Variants in SGF29 observed in about 807,000 individuals in gnomAD.
SGF29 encodes SAGA complex associated factor 29, also known as SAGA-associated factor 29.
SGF29 carries 15 observed loss-of-function variants against 38.1 expected under a neutral mutation model. The ratio of observed to expected loss-of-function variants is 0.39; its 90% CI spans 0.26 to 0.61. SGF29 has a LOEUF of 0.61. Among genes scored for constraint, SGF29 ranks in the 20% least tolerant of loss-of-function variants. The pLI, the probability that SGF29 is intolerant of heterozygous loss-of-function variation, is 0.49. For missense variants in SGF29, 184 were observed against 394.6 expected, an observed-to-expected ratio of 0.47 and a Z score of 4.52; for synonymous variants, 151 against 160.8, an observed-to-expected ratio of 0.94 and a Z score of 0.46.
intron 1 of SGF29, among the ~76,000 whole-genome samples, chr16:28,568,603 G>T (rs981351220): frequency 1.3e-5 from 2 of 150,898 alleles, no homozygotes; most frequent in Non-Finnish European, 3.0e-5. Flanking sequence ...GGTTGGGGGG[G>T]GCTCACATTC....
intron 3 of SGF29, chr16:28,585,424 G>A: frequency 1.7e-6 from 1 of 595,448 alleles, no homozygotes; most frequent in Non-Finnish European, 3.0e-6. Context: ...GAAAAGGTAA[G>A]ACAGTACTCT....
chr16:28,568,772 G>T (rs1450456237), intron 1 of SGF29, among the ~76,000 whole-genome samples: 2 of 152,144 alleles, frequency 1.3e-5, no homozygotes, highest in Non-Finnish European at 2.9e-5. Context: ...AATTAGCGGG[G>T]CATGGTGGTT....
At chr16:28,565,946 T>C (rs191253513) in intron 1 of SGF29, among the ~76,000 whole-genome samples, 5 of 151,890 alleles carry the variant, frequency 3.3e-5, no homozygotes, top group African/African-American at 1.2e-4. Context: ...ACAAAGAAGA[T>C]TTGAATGTGA....
At chr16:28,575,097 C>T (rs2151648261) in intron 1 of SGF29, among the ~76,000 whole-genome samples, 1 of 152,248 alleles carries the variant, frequency 6.6e-6, no homozygotes, top group East Asian at 1.9e-4. Context: ...TCCAGTGCAT[C>T]CCTTCTGAAC....
chr16:28,568,407 A>G (rs1186627530), intron 1 of SGF29, among the ~76,000 whole-genome samples: 1 of 152,078 alleles, frequency 6.6e-6, no homozygotes, highest in Non-Finnish European at 1.5e-5. Flanking sequence ...ACATTGTTGA[A>G]CTATAGGATA....
In SGF29 at chr16:28,564,708, CAT is replaced by C. The variant is rs369741491; in HGVS notation, c.-16+10618_-16+10619del. On this transcript the variant is annotated intron_variant, in intron 1 of 9. Transcript: ENST00000317058. ...ATGTGTATATATATGTATATATATACATATATATGTATATATATACATATATA... is the reference window on the plus strand; with the variant it reads ...ATGTGTATATATATGTATATATATACATATATGTATATATATACATATATA... Among the ~76,000 whole-genome samples, 125 of 50,244 alleles carry C rather than the reference CAT, an allele frequency of 2.5e-3. 4 individuals carry two copies. The East Asian group carries it at 0.032, about 13-fold the overall frequency. The allele number at this position is 50,244 out of a possible 152,430, so 33.0% of individuals were successfully genotyped here.
intron 1 of SGF29, among the ~76,000 whole-genome samples, chr16:28,564,728 C>CATATATATGTATATATGT: frequency 1.4e-5 from 1 of 70,226 alleles, no homozygotes; most frequent in African/African-American, 5.6e-5. Context: ...TATATATATA[C>CATATATATGTATATATGT]ATATATATGT....
intron 3 of SGF29, 69 bp downstream of exon 3, chr16:28,585,057 C>A: frequency 8.4e-7 from 1 of 1,188,122 alleles, no homozygotes; most frequent in Non-Finnish European, 1.2e-6. Flanking sequence ...AAGACTGTGA[C>A]CGAGGTGGTC....
At chr16:28,589,325 G>T in intron 5 of SGF29, 161 bp downstream of exon 5, 1 of 658,164 alleles carries the variant, frequency 1.5e-6, no homozygotes, top group South Asian at 1.8e-5. Context: ...GGGACAGGAG[G>T]TCATTCCCAG....
chr16:28,568,741 TG>T (rs1394622965), intron 1 of SGF29, among the ~76,000 whole-genome samples: 1 of 152,066 alleles, frequency 6.6e-6, no homozygotes, highest in African/African-American at 2.4e-5. Flanking sequence ...GGTGAAACCC[TG>T]TCTGTACTAA....
At chr16:28,574,470 G>C (rs1050376841) in intron 1 of SGF29, among the ~76,000 whole-genome samples, 2 of 152,186 alleles carry the variant, frequency 1.3e-5, no homozygotes, top group Non-Finnish European at 2.9e-5. Flanking sequence ...GCATGCTCAG[G>C]AAGGTGCGTC....
At chr16:28,557,887 T>C (rs1430559719) in intron 1 of SGF29, among the ~76,000 whole-genome samples, 1 of 151,882 alleles carries the variant, frequency 6.6e-6, no homozygotes, top group Non-Finnish European at 1.5e-5. Context: ...TGAAGAGTCC[T>C]GGAGTAAATC....
intron 1 of SGF29, among the ~76,000 whole-genome samples, chr16:28,578,796 G>A (rs953848845): frequency 1.3e-4 from 19 of 151,960 alleles, no homozygotes; most frequent in Admixed American, 1.1e-3. Flanking sequence ...CAAAAAATTA[G>A]CCAGGCAAGG....
chr16:28,559,889 G>C (rs986755536), intron 1 of SGF29, among the ~76,000 whole-genome samples: 1 of 152,112 alleles, frequency 6.6e-6, no homozygotes, highest in African/African-American at 2.4e-5. Flanking sequence ...ACAGAATCCA[G>C]AGTCTACAAC....
At chr16:28,564,065 G>C (rs2046805779) in intron 1 of SGF29, among the ~76,000 whole-genome samples, 1 of 152,072 alleles carries the variant, frequency 6.6e-6, no homozygotes, top group East Asian at 1.9e-4. Context: ...CAGACTTTAT[G>C]AACAACCACA....
intron 1 of SGF29, among the ~76,000 whole-genome samples, chr16:28,564,824 T>C (rs571182939): frequency 9.1e-4 from 129 of 141,878 alleles, no homozygotes; most frequent in African/African-American, 3.2e-3. Context: ...CACACACACA[T>C]ATATATGAGT....
At chr16:28,584,705 C>T (rs2046945293) in intron 2 of SGF29, among the ~76,000 whole-genome samples, 1 of 149,350 alleles carries the variant, frequency 6.7e-6, no homozygotes, top group East Asian at 2.0e-4. Flanking sequence ...AGGAGAAAGG[C>T]GTGAACCCGG....
chr16:28,564,637 A>G (rs1442965171), intron 1 of SGF29, among the ~76,000 whole-genome samples: 4 of 115,572 alleles, frequency 3.5e-5, no homozygotes, highest in Non-Finnish European at 7.3e-5. Context: ...ATATATACGT[A>G]TATATGTGTA....
In SGF29 at chr16:28,581,062, T is replaced by C. The variant is rs769027640; in HGVS notation, c.-8T>C. The C allele has an allele frequency of 1.3e-5, 21 of 1,613,564 alleles. No individual in the cohort carries two copies. The South Asian group carries it at 2.3e-4, about 18-fold the overall frequency. ...TCCTCGCTCCCCCACCAGGTGCCCC[T>C]GTAGACAATGGCCCTCGTGTCTGCC... On this transcript the variant is annotated 5_prime_UTR_variant, in exon 2 of 10. Transcript: ENST00000317058.
Sources: allele counts gnomAD v4.1 joint callset (sites outside exome capture counted in the v4.1 genomes callset), GRCh38; gene constraint gnomAD v4.1.1; transcripts MANE v1.5; gene names NCBI Gene and HGNC (gene_info 2026-07-23, HGNC 2026-07-21).